The following NDUFAF2 variants were observed in gnomAD, a reference collection of about 807,000 sequenced individuals.
The protein encoded by NDUFAF2 is NADH dehydrogenase [ubiquinone] 1 alpha subcomplex assembly factor 2.
Under a neutral mutation model 22.8 loss-of-function variants are expected in NDUFAF2, and 13 were observed. That is an observed-to-expected ratio of 0.57 (90% CI 0.37 to 0.91). The LOEUF (loss-of-function observed/expected upper bound fraction) is 0.91, where lower values mean the gene tolerates loss of function less well. Ranked by LOEUF, NDUFAF2 falls within the 40% of genes least tolerant of loss-of-function variation. The pLI, the probability that NDUFAF2 is intolerant of heterozygous loss-of-function variation, is 0.01. For synonymous variants in NDUFAF2, 53 were observed against 64.2 expected (o/e 0.83, Z 0.84); for missense variants, 162 against 195.2 (o/e 0.83, Z 1.01).
intron 3 of NDUFAF2, among the ~76,000 whole-genome samples, chr5:61,147,334 G>A (rs1251038350): frequency 2.0e-5 from 3 of 150,716 alleles, no homozygotes; most frequent in Non-Finnish European, 4.4e-5. Context: ...CTGCAGCTTT[G>A]ACCTCCTGGG....
intron 3 of NDUFAF2, among the ~76,000 whole-genome samples, chr5:61,121,370 T>TA (rs374494642): frequency 9.9e-5 from 15 of 152,140 alleles, no homozygotes; most frequent in African/African-American, 3.6e-4. Context: ...ATCTGTGTAA[T>TA]ACATTTGGGG....
chr5:61,073,309 T>C, intron 2 of NDUFAF2, 95 bp downstream of exon 2: 2 of 964,104 alleles, frequency 2.1e-6, no homozygotes, highest in Admixed American at 2.0e-5. Flanking sequence ...ACTGTTTCTC[T>C]TTGCAAAAAA....
chr5:61,146,154 C>T (rs751990568), intron 3 of NDUFAF2: 1 of 152,232 alleles, frequency 6.6e-6, no homozygotes, highest in Non-Finnish European at 1.5e-5. Context: ...CTGTGCGTCT[C>T]CTGAACCAGG....
intron 1 of NDUFAF2, among the ~76,000 whole-genome samples, chr5:61,034,804 AGAGAT>A (rs777019701): frequency 2.0e-5 from 3 of 152,168 alleles, no homozygotes; most frequent in Non-Finnish European, 4.4e-5. Context: ...AATCTCAGAA[AGAGAT>A]GAGATATGTA....
At chr5:61,006,301 A>G (rs1406652385) in intron 1 of NDUFAF2, among the ~76,000 whole-genome samples, 3 of 152,062 alleles carry the variant, frequency 2.0e-5, no homozygotes, top group African/African-American at 4.8e-5. Flanking sequence ...ATTGGTCTAT[A>G]TGTCTGTTTT....
intron 3 of NDUFAF2, among the ~76,000 whole-genome samples, chr5:61,125,283 T>C (rs990834109): frequency 1.3e-5 from 2 of 152,132 alleles, no homozygotes; most frequent in African/African-American, 4.8e-5. Flanking sequence ...TTGGATGCTT[T>C]GTAGTTTCCA....
chr5:61,102,661 CAG>C (rs1025952974), intron 3 of NDUFAF2, among the ~76,000 whole-genome samples: 2 of 151,926 alleles, frequency 1.3e-5, no homozygotes, highest in Non-Finnish European at 2.9e-5. Flanking sequence ...CAGATTTAAT[CAG>C]AATTAAATTC....
At chr5:60,998,201 T>G (rs1032935051) in intron 1 of NDUFAF2, among the ~76,000 whole-genome samples, 2 of 152,196 alleles carry the variant, frequency 1.3e-5, no homozygotes, top group Non-Finnish European at 2.9e-5. Context: ...TTAATTTTAG[T>G]AAGGCTAATT....
At chr5:61,108,336 A>G (rs1752794440) in intron 3 of NDUFAF2, among the ~76,000 whole-genome samples, 1 of 149,274 alleles carries the variant, frequency 6.7e-6, no homozygotes, top group Non-Finnish European at 1.5e-5. Flanking sequence ...AAGTGTTCCT[A>G]TTTCTCCACA....
Position 61,152,854 on chromosome 5 carries a change from T to C in NDUFAF2, c.409T>C (p.Tyr137His), listed in dbSNP as rs1741265217. The C allele has an allele frequency of 6.2e-7, 1 of 1,609,672 alleles. No homozygotes were observed. The highest frequency in any genetic ancestry group is 2.2e-5 in the East Asian group (1 of 44,638). Reference protein sequence around the residue: ...TQIKGHASAPYFGKEEPSVAP... With the variant: ...TQIKGHASAPHFGKEEPSVAP... ...AATTAAAGGCCATGCCTCTGCTCCATACTTTGGAAAGGAAGAACCCTCAGT... is the reference window on the plus strand; with the variant it reads ...AATTAAAGGCCATGCCTCTGCTCCACACTTTGGAAAGGAAGAACCCTCAGT... Residue 137 changes from tyrosine to histidine, a missense_variant, in exon 4 of 4, where the codon TAC becomes CAC. Tyr to His is a moderately conservative substitution (Grantham distance 83). Around this residue, in one of 2 missense-constraint regions of NDUFAF2, gnomAD observed 68 missense variants for 110.0 expected, o/e 0.62. Coordinates refer to ENST00000296597, the MANE Select transcript of NDUFAF2 (RefSeq NM_174889.5).
chr5:61,091,746 G>A (rs1752570909), intron 2 of NDUFAF2, among the ~76,000 whole-genome samples: 1 of 151,960 alleles, frequency 6.6e-6, no homozygotes, highest in African/African-American at 2.4e-5. Flanking sequence ...TTTGAGAATT[G>A]GTGTCTTCTC....
At chr5:60,973,420 A>G (rs1174490969) in intron 1 of NDUFAF2, among the ~76,000 whole-genome samples, 1 of 152,166 alleles carries the variant, frequency 6.6e-6, no homozygotes, top group Non-Finnish European at 1.5e-5. Context: ...ATTTGCCAAC[A>G]TAATTTTTTC....
At chr5:60,972,897 T>A (rs1000763645) in intron 1 of NDUFAF2, among the ~76,000 whole-genome samples, 14 of 151,740 alleles carry the variant, frequency 9.2e-5, no homozygotes, top group Non-Finnish European at 2.9e-5. Context: ...CCCGTATTTC[T>A]TGGTTTCTTA....
chr5:61,131,286 C>G (rs959225980), intron 3 of NDUFAF2, among the ~76,000 whole-genome samples: 1 of 151,442 alleles, frequency 6.6e-6, no homozygotes, highest in Admixed American at 6.6e-5. Flanking sequence ...ACCTCAAACT[C>G]CTAGGCTCAA....
At chr5:61,070,402 T>C (rs1228628502) in intron 1 of NDUFAF2, among the ~76,000 whole-genome samples, 2 of 152,142 alleles carry the variant, frequency 1.3e-5, no homozygotes, top group African/African-American at 4.8e-5. Context: ...GGAGTAGTTT[T>C]ACAGTGATTT....
At chr5:60,978,387 C>T (rs941396431) in intron 1 of NDUFAF2, among the ~76,000 whole-genome samples, 2 of 152,168 alleles carry the variant, frequency 1.3e-5, no homozygotes, top group African/African-American at 2.4e-5. Flanking sequence ...TTAACTGGCT[C>T]ACGGTTCTGC....
chr5:61,004,065 T>G (rs755345364), intron 1 of NDUFAF2, among the ~76,000 whole-genome samples: 19 of 152,212 alleles, frequency 1.2e-4, no homozygotes, highest in Non-Finnish European at 2.1e-4. Context: ...TAACGACCAC[T>G]GCTTACTTGC....
intron 1 of NDUFAF2, among the ~76,000 whole-genome samples, chr5:61,058,286 T>C (rs1042616528): frequency 2.0e-5 from 3 of 152,138 alleles, no homozygotes; most frequent in African/African-American, 7.2e-5. Context: ...CTTCCATCTC[T>C]CTTTTTACCT....
chr5:61,006,601 A>G lies in NDUFAF2; in HGVS notation c.127+61219A>G, dbSNP rs553721711. ...ATGGAATGTTCTTCCATTTGTTTGT[A>G]TCCTCTTTTATTTCATTGAGCACTG... is the stretch of plus-strand genomic sequence containing the variant. On this transcript the variant is annotated intron_variant, in intron 1 of 3. Transcript: ENST00000296597. 1.3e-4 allele frequency among the ~76,000 whole-genome samples: 20 copies of G among 152,162 alleles called. No homozygotes were observed. In the South Asian group the frequency reaches 3.5e-3, roughly 27 times the overall value.
Sources: allele counts gnomAD v4.1 joint callset (sites outside exome capture counted in the v4.1 genomes callset), GRCh38; gene constraint gnomAD v4.1.1; regional missense constraint gnomAD v4.1.1; transcripts MANE v1.5; gene names NCBI Gene and HGNC (gene_info 2026-07-23, HGNC 2026-07-21).